Variants in HPF1 observed in about 807,000 individuals in gnomAD.
HPF1 encodes histone PARylation factor 1.
Under a neutral mutation model 38.8 loss-of-function variants are expected in HPF1, and 35 were observed. The ratio of observed to expected loss-of-function variants is 0.90; its 90% CI spans 0.69 to 1.19. HPF1 has a LOEUF of 1.19. Among genes scored for constraint, HPF1 ranks in the 50% most tolerant of loss-of-function variants. The pLI is 0.00. For missense variants in HPF1, 367 were observed against 405.8 expected, an observed-to-expected ratio of 0.90 and a Z score of 0.82; for synonymous variants, 115 against 139.2, an observed-to-expected ratio of 0.83 and a Z score of 1.22.
chr4:169,737,272 A>G (rs1281519606), intron 6 of HPF1, among the ~76,000 whole-genome samples: 1 of 139,488 alleles, frequency 7.2e-6, no homozygotes, highest in Admixed American at 7.8e-5. Context: ...CCTGGGCGAC[A>G]GAGCAACACT....
chr4:169,734,107 TCTAA>T (rs1247650053), intron 6 of HPF1, among the ~76,000 whole-genome samples: 1 of 152,350 alleles, frequency 6.6e-6, no homozygotes, highest in South Asian at 2.1e-4. Context: ...CACCTACGTT[TCTAA>T]CTATCTATAA....
intron 6 of HPF1, among the ~76,000 whole-genome samples, chr4:169,736,145 G>C (rs1242345868): frequency 6.6e-6 from 1 of 151,626 alleles, no homozygotes; most frequent in African/African-American, 2.4e-5. Flanking sequence ...TTGGGAAGCC[G>C]AGGTGGGTTG....
intron 4 of HPF1, among the ~76,000 whole-genome samples, chr4:169,742,761 CA>C (rs1156821519): frequency 3.9e-5 from 6 of 152,068 alleles, no homozygotes; most frequent in African/African-American, 1.4e-4. Flanking sequence ...CACTGCACTC[CA>C]GCCTGGGCCA....
At chr4:169,741,131 C>T (rs1011195521) in intron 5 of HPF1, among the ~76,000 whole-genome samples, 12 of 152,168 alleles carry the variant, frequency 7.9e-5, no homozygotes, top group Admixed American at 2.0e-4. Flanking sequence ...ATACAAATGT[C>T]ACCCCTGCAG....
chr4:169,742,760 C>A (rs899920051), intron 4 of HPF1, among the ~76,000 whole-genome samples: 1 of 151,230 alleles, frequency 6.6e-6, no homozygotes, highest in Admixed American at 6.6e-5. Context: ...CCACTGCACT[C>A]CAGCCTGGGC....
chr4:169,750,210 A>C (rs1267399048), intron 3 of HPF1, among the ~76,000 whole-genome samples: 1 of 151,818 alleles, frequency 6.6e-6, no homozygotes, highest in Non-Finnish European at 1.5e-5. Flanking sequence ...GACTCCAGAG[A>C]CCACTCTTAA....
chr4:169,729,610 TTC>T lies in HPF1; in HGVS notation c.1007_1008del (p.Arg336LysfsTer30), dbSNP rs762210746. On this transcript the variant is annotated frameshift_variant, in exon 8 of 8. Transcript: ENST00000393381. LOFTEE classifies it high-confidence loss of function. ...AEIIEEHLANRSQENIDQLAA is the reference protein window; with the variant it reads ...AEIIEEHLANXSQENIDQLAA ...GCAAGTTGGTCTATGTTCTCTTGAC[TTC>T]TGTTTGCCAGATGCTCCTCAATAAT... is the stretch of plus-strand genomic sequence containing the variant. The T allele has an allele frequency of 2.1e-5, 33 of 1,587,874 alleles. No homozygotes were observed. The highest frequency in any genetic ancestry group is 2.7e-5 in the Non-Finnish European group (32 of 1,168,306).
chr4:169,749,553 T>C (rs1378112763), intron 3 of HPF1, among the ~76,000 whole-genome samples: 1 of 152,066 alleles, frequency 6.6e-6, no homozygotes, highest in African/African-American at 2.4e-5. Context: ...GCCAGGTCCC[T>C]CCCAAGGATC....
rs1734103721 is a variant in HPF1 at position 169,750,524 on chromosome 4, A to G, written c.398+12T>C. On this transcript the variant is annotated intron_variant, in intron 3 of 7. Transcript: ENST00000393381. ...GCAGCTGTATTTTAGAGGCGAAGAA[A>G]AGATCCTTTACCTGAAATACCCCAT... The G allele has an allele frequency of 4.5e-6, 7 of 1,564,304 alleles. No homozygotes were observed. The highest frequency in any genetic ancestry group is 4.1e-5 in the African/African-American group (3 of 73,046).
rs193298110 is a variant in HPF1, at chr4:169,755,393, T to C, written c.49-1558A>G. On this transcript the variant is annotated intron_variant, in intron 1 of 7. Coordinates refer to ENST00000393381, the MANE Select transcript of HPF1 (RefSeq NM_017867.3). ...ATTCTTGGGATGTGAAATCCACTTATAGAGAGGGCCAACTTTTCGTATACT... is the reference window on the plus strand; with the variant it reads ...ATTCTTGGGATGTGAAATCCACTTACAGAGAGGGCCAACTTTTCGTATACT... Among the ~76,000 whole-genome samples the C allele has an allele frequency of 3.3e-4, 50 of 152,286 alleles. 2 individuals are homozygous for C. The East Asian group carries it at 8.7e-3, about 26-fold the overall frequency.
intron 7 of HPF1, among the ~76,000 whole-genome samples, chr4:169,730,762 A>G (rs774204466): frequency 2.0e-5 from 3 of 152,190 alleles, no homozygotes; most frequent in Non-Finnish European, 2.9e-5. Flanking sequence ...GTCACCTGGG[A>G]GCATGACAGA....
At position 169,735,198 on chromosome 4, in the gene HPF1, G is replaced by A. The variant is rs1278391643; in HGVS notation, c.736+2462C>T. On this transcript the variant is annotated intron_variant, in intron 6 of 7. Coordinates refer to ENST00000393381, the MANE Select transcript of HPF1 (RefSeq NM_017867.3). The stretch of plus-strand genomic sequence containing the variant: ...CCCTTACTGACTAATGCTAAGCACC[G>A]TGAGTCTATTTCCTTTGTGAACATG... 4.0e-5 allele frequency among the ~76,000 whole-genome samples: 6 copies of A among 151,718 alleles called. No homozygotes were observed. The East Asian group carries it at 5.8e-4, about 15-fold the overall frequency.
At chr4:169,731,917 A>G in intron 6 of HPF1, 41 bp from the exon 7 acceptor site, 2 of 1,495,216 alleles carry the variant, frequency 1.3e-6, no homozygotes, top group East Asian at 4.6e-5. Flanking sequence ...CTACATAGTT[A>G]GAAAATGAAT....
At chr4:169,751,915 C>T (rs989088294) in intron 2 of HPF1, among the ~76,000 whole-genome samples, 13 of 152,132 alleles carry the variant, frequency 8.5e-5, no homozygotes, top group Admixed American at 2.0e-4. Flanking sequence ...CAGATACAAA[C>T]ATGTAACAAA....
intron 6 of HPF1, among the ~76,000 whole-genome samples, chr4:169,737,296 A>C (rs866884542): frequency 0.013 from 1,957 of 149,772 alleles, 42 homozygotes; most frequent in African/African-American, 0.043. Flanking sequence ...TCTCAAAAAA[A>C]AAAAAAAAAA....
In HPF1 at chr4:169,753,715, A is replaced by G; in HGVS notation, c.169T>C (p.Trp57Arg). ...GGATCAAGTTCTTCACAGAACTTCC[A>G]GAAGTGATAGAAATCTTCAGGTAAA... ...LSLPEDFYHF[W>R]KFCEELDPEK... is the part of the protein sequence containing the mutation. Residue 57 changes from tryptophan (W) to arginine (R), a missense_variant, in exon 2 of 8, where the codon TGG becomes CGG. By Grantham distance (101) the Trp-to-Arg change is moderately radical. Transcript: ENST00000393381. The G allele has an allele frequency of 3.1e-6, 5 of 1,612,348 alleles. No homozygotes were observed. Among genetic ancestry groups the G allele is most frequent in the East Asian group, 2.2e-5 (1 of 44,882 alleles).
intron 5 of HPF1, among the ~76,000 whole-genome samples, chr4:169,739,673 G>C (rs1330787390): frequency 6.6e-6 from 1 of 152,138 alleles, no homozygotes; most frequent in Admixed American, 6.6e-5. Context: ...AGATAAGTAT[G>C]AGAATAAAGG....
In HPF1 at chr4:169,737,787, A is replaced by T. The variant is rs747815021; in HGVS notation, c.649-40T>A. On this transcript the variant is annotated intron_variant, in intron 5 of 7. Transcript: ENST00000393381. ...AGAATAAAATGTAATCATGGTAAGC[A>T]GACATCAAAAAAAAAAATCCCCAAA... is the stretch of plus-strand genomic sequence containing the variant. 120 of 1,299,172 alleles carry T rather than the reference A, an allele frequency of 9.2e-5. No homozygotes were observed. The Middle Eastern group carries it at 1.2e-3, about 14-fold the overall frequency. The allele number at this position is 1,299,172 out of a possible 1,614,324, so 80.5% of individuals were successfully genotyped here.
intron 5 of HPF1, 139 bp downstream of exon 5, chr4:169,741,815 ATCC>A: frequency 1.5e-6 from 1 of 667,588 alleles, no homozygotes; most frequent in Non-Finnish European, 2.5e-6. Context: ...TTTCAGTGCC[ATCC>A]TCCTAACATC....
Sources: gnomAD v4.1 joint callset for allele counts (sites outside exome capture counted in the v4.1 genomes callset) on GRCh38, gnomAD v4.1.1 for gene constraint, MANE v1.5 for transcripts, NCBI Gene and HGNC (gene_info 2026-07-23, HGNC 2026-07-21) for gene names.